Variants in KIAA1217 observed in about 807,000 individuals in gnomAD.
KIAA1217 encodes the protein KIAA1217, also known as sickle tail protein homolog.
A neutral mutation model predicts 163.9 loss-of-function variants in KIAA1217; 88 were observed. The observed-to-expected ratio is 0.54, with a 90% CI of 0.45 to 0.64. KIAA1217 has a LOEUF of 0.64. Among genes scored for constraint, KIAA1217 ranks in the 30% least tolerant of loss-of-function variants. The probability of loss-of-function intolerance (pLI) is 0.00; values close to 1 mark genes in which losing one functional copy is unlikely to be tolerated. For missense variants in KIAA1217, 2,372 were observed against 2,475.0 expected, an observed-to-expected ratio of 0.96 and a Z score of 0.88; for synonymous variants, 903 against 923.1, an observed-to-expected ratio of 0.98 and a Z score of 0.39.
chr10:24,321,692 A>T (rs759804470), intron 2 of KIAA1217, among the ~76,000 whole-genome samples: 5 of 152,226 alleles, frequency 3.3e-5, no homozygotes, highest in Non-Finnish European at 7.3e-5. Context: ...ATAGGATTCC[A>T]CTTGTATGAA....
At chr10:24,490,187 A>C (rs1371180419) in intron 6 of KIAA1217, among the ~76,000 whole-genome samples, 2 of 152,258 alleles carry the variant, frequency 1.3e-5, no homozygotes, top group African/African-American at 4.8e-5. Context: ...TACACTAATC[A>C]CATAAATATG....
intron 2 of KIAA1217, among the ~76,000 whole-genome samples, chr10:24,094,754 C>G (rs145255024): frequency 0.046 from 7,008 of 152,288 alleles, 208 homozygotes; most frequent in Middle Eastern, 0.092. Context: ...AACCACTGCT[C>G]TCTTCAAAGC....
At chr10:24,038,334 T>G (rs1350818547) in intron 2 of KIAA1217, among the ~76,000 whole-genome samples, 1 of 152,180 alleles carries the variant, frequency 6.6e-6, no homozygotes, top group Non-Finnish European at 1.5e-5. Flanking sequence ...TGAACCAGCT[T>G]TACTTAAACA....
intron 1 of KIAA1217, among the ~76,000 whole-genome samples, chr10:23,830,803 G>C (rs1838155573): frequency 6.8e-6 from 1 of 146,586 alleles, no homozygotes; most frequent in African/African-American, 2.6e-5. Flanking sequence ...ATAGGTGATA[G>C]AGATAGAGAT....
chr10:24,346,849 G>T (rs1460904814), intron 2 of KIAA1217, among the ~76,000 whole-genome samples: 3 of 152,090 alleles, frequency 2.0e-5, no homozygotes, highest in African/African-American at 2.4e-5. Context: ...GGGACAACAG[G>T]CATGAGCCAC....
At chr10:23,831,203 A>AT (rs1362568829) in intron 1 of KIAA1217, among the ~76,000 whole-genome samples, 38 of 152,254 alleles carry the variant, frequency 2.5e-4, no homozygotes, top group Non-Finnish European at 5.0e-4. Flanking sequence ...ATAGACAATG[A>AT]TTTTGTGGAT....
At chr10:24,363,797 C>A (rs1372893728) in intron 2 of KIAA1217, among the ~76,000 whole-genome samples, 2 of 151,894 alleles carry the variant, frequency 1.3e-5, no homozygotes, top group Non-Finnish European at 2.9e-5. Flanking sequence ...GTTTTGCACA[C>A]CTGACCTCAA....
chr10:24,016,473 A>G (rs1193128685), intron 2 of KIAA1217, among the ~76,000 whole-genome samples: 1 of 152,146 alleles, frequency 6.6e-6, no homozygotes, highest in Admixed American at 6.6e-5. Context: ...CAGAAAAAAT[A>G]GTGTTCAATG....
At position 24,547,200 on chromosome 10, in the gene KIAA1217, T is replaced by C. The variant is rs2075756281; in HGVS notation, c.*876T>C. ...TTAAAATGTATACTCTGTACGGTTC[T>C]GTAAACCGAAAAACTTTTGTAAATA... On this transcript the variant is annotated 3_prime_UTR_variant, in exon 21 of 21. Transcript: ENST00000376454. 1 of 152,570 alleles carries C rather than the reference T, an allele frequency of 6.6e-6. No homozygotes were observed. Among genetic ancestry groups the C allele is most frequent in the Non-Finnish European group, 1.5e-5 (1 of 68,030 alleles). 9.5% of individuals were successfully genotyped at this position (152,570 alleles called of 1,614,324 possible).
intron 16 of KIAA1217, 42 bp from the exon 17 acceptor site, chr10:24,536,732 T>C: frequency 6.2e-7 from 1 of 1,604,154 alleles, no homozygotes; most frequent in Middle Eastern, 1.7e-4. Context: ...TTCTCCTCAG[T>C]ACCCTTGGAT....
At chr10:24,483,873 T>A (rs2065012580) in intron 6 of KIAA1217, among the ~76,000 whole-genome samples, 1 of 152,090 alleles carries the variant, frequency 6.6e-6, no homozygotes, top group Non-Finnish European at 1.5e-5. Flanking sequence ...GGTGTAGGCT[T>A]GCCCTGGGGA....
At chr10:24,207,281 CT>C (rs2067607957), upstream of KIAA1217, among the ~76,000 whole-genome samples, 7 of 112,958 alleles carry the variant, frequency 6.2e-5, no homozygotes, top group African/African-American at 2.8e-4. Flanking sequence ...CTCTCTCTCT[CT>C]CACACACACA....
At chr10:24,003,139 TG>T (rs1489098924) in intron 1 of KIAA1217, among the ~76,000 whole-genome samples, 1 of 152,170 alleles carries the variant, frequency 6.6e-6, no homozygotes, top group African/African-American at 2.4e-5. Context: ...TTTTGTTTTT[TG>T]TTTTTTGTTT....
intron 17 of KIAA1217, among the ~76,000 whole-genome samples, chr10:24,538,609 AAG>A (rs1182870049): frequency 1.7e-5 from 1 of 59,686 alleles, no homozygotes; most frequent in Non-Finnish European, 2.8e-5. Context: ...AGGAAGGAAA[AAG>A]AGAGGAAGGA....
chr10:24,338,039 C>G lies in KIAA1217; in HGVS notation c.355-42830C>G, dbSNP rs543029577. On this transcript the variant is annotated intron_variant, in intron 2 of 20. Transcript: ENST00000376454. Reference sequence around the variant, plus strand: ...CTCTCAAAGTGTTTTCTAAATTTAACTTGAATCTGTAATCTAGAAAGCAAC... The same window carrying G: ...CTCTCAAAGTGTTTTCTAAATTTAAGTTGAATCTGTAATCTAGAAAGCAAC... 4.6e-5 allele frequency among the ~76,000 whole-genome samples: 7 copies of G among 152,280 alleles called. No homozygotes were observed. In the East Asian group the frequency reaches 1.4e-3, roughly 29 times the overall value.
intron 2 of KIAA1217, among the ~76,000 whole-genome samples, chr10:24,159,056 T>C (rs996507587): frequency 9.2e-5 from 14 of 152,230 alleles, no homozygotes; most frequent in African/African-American, 3.4e-4. Context: ...AAACTCAGCA[T>C]TGATTATTGT....
intron 2 of KIAA1217, among the ~76,000 whole-genome samples, chr10:24,055,957 T>A (rs555042555): frequency 0.016 from 2,346 of 143,014 alleles, 20 homozygotes; most frequent in Non-Finnish European, 0.02. Flanking sequence ...ACACTAAATT[T>A]AAAAAAAAAA....
intron 3 of KIAA1217, among the ~76,000 whole-genome samples, chr10:24,386,678 A>C (rs531368886): frequency 5.3e-5 from 8 of 152,282 alleles, no homozygotes; most frequent in African/African-American, 1.7e-4. Context: ...GACTCAAGCA[A>C]TCCTCCCACC....
chr10:23,863,272 C>G lies in KIAA1217; in HGVS notation c.-320-143953C>G, dbSNP rs115311447. On this transcript the variant is annotated intron_variant, in intron 1 of 18. Transcript: ENST00000376462. ...CAAACCAAACTCCCGATCTTAATTCCTCTCCCAGAATTGCTCTTCCTCCAT... is the reference window on the plus strand; with the variant it reads ...CAAACCAAACTCCCGATCTTAATTCGTCTCCCAGAATTGCTCTTCCTCCAT... 5.4e-3 allele frequency among the ~76,000 whole-genome samples: 823 copies of G among 152,292 alleles called. 6 individuals carry two copies. Among genetic ancestry groups the G allele is most frequent in the African/African-American group, 0.019 (799 of 41,566 alleles).
Sources: gnomAD v4.1 joint callset for allele counts (sites outside exome capture counted in the v4.1 genomes callset) on GRCh38, gnomAD v4.1.1 for gene constraint, MANE v1.5 for transcripts, NCBI Gene and HGNC (gene_info 2026-07-23, HGNC 2026-07-21) for gene names.